The following GDF1 variants were observed in gnomAD, a reference collection of about 807,000 sequenced individuals.
GDF1 encodes the protein growth differentiation factor 1.
In GDF1, 8 loss-of-function variants were observed where a neutral mutation model predicts 7.4. The observed-to-expected ratio is 1.09, with a 90% CI of 0.64 to 1.96. The LOEUF is 1.96. Among genes scored for constraint, GDF1 ranks in the 30% most tolerant of loss-of-function variants. The pLI is 0.00. For missense variants in GDF1, 574 were observed against 551.5 expected, an observed-to-expected ratio of 1.04 and a Z score of -0.41; for synonymous variants, 311 against 276.7, an observed-to-expected ratio of 1.12 and a Z score of -1.23.
At position 18,880,471 on chromosome 19, in the gene GDF1, C is replaced by T. The variant is rs2056177393; in HGVS notation, c.-732-36G>A. The stretch of plus-strand genomic sequence containing the variant: ...AGCAGGCAGAGAGGAGAGGGCAGCT[C>T]ACATTGGGGGACCTCCACTCTGCAC... On this transcript the variant is annotated intron_variant, in intron 3 of 7. Coordinates refer to ENST00000247005, the MANE Select transcript of GDF1 (RefSeq NM_001492.6). The T allele has an allele frequency of 3.2e-6, 5 of 1,540,438 alleles. 1 individual carries two copies. The highest frequency in any genetic ancestry group is 4.4e-6 in the Non-Finnish European group (5 of 1,137,710).
At chr19:18,894,575 AGGGGTGGG>A (rs1191308641) in intron 1 of GDF1, among the ~76,000 whole-genome samples, 1 of 151,988 alleles carries the variant, frequency 6.6e-6, no homozygotes, top group Non-Finnish European at 1.5e-5. Context: ...CCTGTCCCGC[AGGGGTGGG>A]GGACGGCTTG....
Position 18,868,944 on chromosome 19 carries a change from CG to C in GDF1, c.771del (p.Val258CysfsTer17). On this transcript the variant is annotated frameshift_variant, in exon 8 of 8. Transcript: ENST00000247005. LOFTEE classifies it low-confidence loss of function (END_TRUNC). ...PLARPRRDAE[P>X]VLGGGPGGAC... ...GCGCCCCCGGGGCCGCCGCCCAACACGGGTTCGGCGTCGCGCCGCGGCCGGG... is the reference window on the plus strand; with the variant it reads ...GCGCCCCCGGGGCCGCCGCCCAACACGGTTCGGCGTCGCGCCGCGGCCGGG... 8.1e-7 allele frequency: 1 copy of C among 1,240,962 alleles called. No homozygotes were observed. Among genetic ancestry groups the C allele is most frequent in the Non-Finnish European group, 1.0e-6 (1 of 987,092 alleles). 76.9% of individuals were successfully genotyped at this position (1,240,962 alleles called of 1,614,324 possible).
chr19:18,880,484 C>CT, intron 3 of GDF1, 49 bp from the exon 4 acceptor site: 1 of 1,510,940 alleles, frequency 6.6e-7, no homozygotes, highest in South Asian at 1.3e-5. Context: ...ATTGGGGGAC[C>CT]TCCACTCTGC....
At chr19:18,883,971 G>A (rs1198467530) in intron 3 of GDF1, 116 bp downstream of exon 3, 1 of 1,130,898 alleles carries the variant, frequency 8.8e-7, no homozygotes, top group Non-Finnish European at 1.2e-6. Flanking sequence ...GGAACCCTGA[G>A]CACTCCGACC....
intron 2 of GDF1, among the ~76,000 whole-genome samples, chr19:18,888,404 G>A (rs1183161680): frequency 6.6e-6 from 1 of 150,780 alleles, no homozygotes; most frequent in African/African-American, 2.4e-5. Flanking sequence ...TGTAATCCCA[G>A]CCACTCATGA....
chr19:18,895,300 G>C lies in GDF1; in HGVS notation c.-1074+524C>G, dbSNP rs914226745. On this transcript the variant is annotated intron_variant, in intron 1 of 7. Coordinates refer to ENST00000247005, the MANE Select transcript of GDF1 (RefSeq NM_001492.6). This position sits in a 1 kb window ranked among gnomAD's most constrained non-coding sequence, Gnocchi z 6.4. ...CGCCGCACGGACCCAGCAGAAAACGGGCAGCGGACCTCGCTCCGGGCCGGG... is the reference window on the plus strand; with the variant it reads ...CGCCGCACGGACCCAGCAGAAAACGCGCAGCGGACCTCGCTCCGGGCCGGG... 6.6e-6 allele frequency among the ~76,000 whole-genome samples: 1 copy of C among 152,198 alleles called. No homozygotes were observed. Among genetic ancestry groups the C allele is most frequent in the Non-Finnish European group, 1.5e-5 (1 of 68,042 alleles).
At chr19:18,885,699 T>TC (rs1047403445) in intron 2 of GDF1, among the ~76,000 whole-genome samples, 5 of 151,188 alleles carry the variant, frequency 3.3e-5, no homozygotes, top group African/African-American at 9.7e-5. Context: ...TTTTTTTTTT[T>TC]CAGTAGAGAC....
At chr19:18,872,254 C>T (rs1010584735) in intron 6 of GDF1, among the ~76,000 whole-genome samples, 1 of 152,246 alleles carries the variant, frequency 6.6e-6, no homozygotes, top group Non-Finnish European at 1.5e-5. Context: ...TGTTCTCTAC[C>T]CACTCAGAAA....
intron 6 of GDF1, among the ~76,000 whole-genome samples, chr19:18,876,125 C>G (rs1483373242): frequency 6.6e-6 from 1 of 150,540 alleles, no homozygotes; most frequent in African/African-American, 2.4e-5. Context: ...GCTGGGATTG[C>G]AGGCGTGCGC....
rs1333497341 is a variant in GDF1 at position 18,869,070 on chromosome 19, C to G, written c.646G>C (p.Ala216Pro). 1.6e-5 allele frequency: 17 copies of G among 1,059,360 alleles called. No homozygotes were observed. The highest frequency in any genetic ancestry group is 5.5e-5 in the Admixed American group (1 of 18,128). The allele number at this position is 1,059,360 out of a possible 1,614,324, so 65.6% of individuals were successfully genotyped here. A position where few individuals can be genotyped will look rare whatever the true frequency, so the allele number is the denominator to read the frequency against. ...NASWPRSLRLALALRPRAPAA... is the reference protein window; with the variant it reads ...NASWPRSLRLPLALRPRAPAA... The stretch of plus-strand genomic sequence containing the variant: ...GGGGCCCGGGGGCGTAGCGCCAGCG[C>G]CAGGCGGAGGCTGCGCGGCCATGAG... Residue 216 changes from alanine (A) to proline (P), a missense_variant, in exon 8 of 8, where the codon GCG becomes CCG. Ala to Pro is a conservative substitution (Grantham distance 27). Transcript: ENST00000247005.
chr19:18,889,120 G>A (rs899888388), intron 2 of GDF1, among the ~76,000 whole-genome samples: 1 of 151,842 alleles, frequency 6.6e-6, no homozygotes, highest in South Asian at 2.1e-4. Flanking sequence ...TGGAACTCCC[G>A]GCCTCAAGTG....
intron 4 of GDF1, among the ~76,000 whole-genome samples, chr19:18,879,807 C>T (rs2056156512): frequency 6.6e-6 from 1 of 150,406 alleles, no homozygotes; most frequent in South Asian, 2.1e-4. Context: ...CCAGGCCCCG[C>T]CCACCTCACC....
chr19:18,878,727 CT>C lies in GDF1; in HGVS notation c.-313+202del. 7.2e-7 allele frequency: 1 copy of C among 1,390,620 alleles called. No homozygotes were observed. The highest frequency in any genetic ancestry group is 9.3e-7 in the Non-Finnish European group (1 of 1,070,944). The allele number at this position is 1,390,620 out of a possible 1,614,324, so 86.1% of individuals were successfully genotyped here. A position where few individuals can be genotyped will look rare whatever the true frequency, so the allele number is the denominator to read the frequency against. On this transcript the variant is annotated intron_variant, in intron 6 of 7. Coordinates refer to ENST00000247005, the MANE Select transcript of GDF1 (RefSeq NM_001492.6). The surrounding 1 kb of genome is among the most constrained non-coding windows in gnomAD (Gnocchi z 4.6). ...CTGCCTGCCCCTCCCCAGCCTCTCC[CT>C]CCCCTTCCTCACTGTCCTGTCCTTC...
intron 2 of GDF1, 63 bp downstream of exon 2, chr19:18,893,353 C>T (rs1367482347): frequency 4.0e-6 from 6 of 1,516,916 alleles, no homozygotes; most frequent in African/African-American, 1.4e-5. Context: ...TAGCTGGGAC[C>T]ACAAGCCTGG....
intron 6 of GDF1, among the ~76,000 whole-genome samples, chr19:18,875,786 G>C (rs1255453092): frequency 6.6e-6 from 1 of 152,156 alleles, no homozygotes; most frequent in Non-Finnish European, 1.5e-5. Flanking sequence ...AAGAGAGACA[G>C]AAAAGAAGAA....
chr19:18,869,438 G>C, intron 7 of GDF1, 48 bp from the exon 8 acceptor site: 1 of 1,516,752 alleles, frequency 6.6e-7, no homozygotes, highest in South Asian at 1.2e-5. Context: ...TCCCCGGCCT[G>C]CCCATGGGGT....
chr19:18,872,515 A>ATT (rs1006396798), intron 6 of GDF1, among the ~76,000 whole-genome samples: 19 of 125,894 alleles, frequency 1.5e-4, no homozygotes, highest in African/African-American at 1.5e-4. Flanking sequence ...GCCCGGGGTA[A>ATT]TTTTTTTTTT....
At chr19:18,886,774 C>T (rs2056371675) in intron 2 of GDF1, among the ~76,000 whole-genome samples, 2 of 152,164 alleles carry the variant, frequency 1.3e-5, no homozygotes, top group African/African-American at 2.4e-5. Context: ...CCCCATGAAC[C>T]GCCTCTGCGA....
intron 6 of GDF1, among the ~76,000 whole-genome samples, chr19:18,871,322 G>A (rs2055966711): frequency 6.7e-6 from 1 of 149,850 alleles, no homozygotes. Context: ...TGCCTCCTGA[G>A]TTCAAGCGAT....
Sources: gnomAD v4.1 joint callset for allele counts (sites outside exome capture counted in the v4.1 genomes callset) on GRCh38, gnomAD v4.1.1 for gene constraint, Gnocchi (gnomAD v3.1) non-coding constraint, MANE v1.5 for transcripts, NCBI Gene and HGNC (gene_info 2026-07-23, HGNC 2026-07-21) for gene names.